Variants in LARS1 observed in about 807,000 individuals in gnomAD.
The protein encoded by LARS1 is leucine--tRNA ligase, cytoplasmic.
Under a neutral mutation model 162.8 loss-of-function variants are expected in LARS1, and 100 were observed. The ratio of observed to expected loss-of-function variants is 0.61; its 90% confidence interval spans 0.52 to 0.73. The LOEUF (loss-of-function observed/expected upper bound fraction) is 0.73, where lower values mean the gene tolerates loss of function less well. Among genes scored for constraint, LARS1 ranks in the 30% least tolerant of loss-of-function variants. LARS1 has a pLI of 0.00. For synonymous variants in LARS1, 457 were observed against 462.8 expected (o/e 0.99, Z 0.16); for missense variants, 1,258 against 1,408.9 (o/e 0.89, Z 1.71).
At chr5:146,116,325 C>A (rs191316933) in intron 31 of LARS1, among the ~76,000 whole-genome samples, 47 of 152,240 alleles carry the variant, frequency 3.1e-4, no homozygotes, top group Non-Finnish European at 5.4e-4. Context: ...TGCATAAGGC[C>A]TTTTACTGCG....
rs781026136 is a variant in LARS1 at position 146,143,039 on chromosome 5, C to T, written c.1923G>A (p.Lys641=). ...TCTGAGTCTTAGGAAATGGAGCCTC[C>T]TTGAAGAAAACATAATCCCAAACTT... ...TKEVWDYVFF[K]EAPFPKTQIA... Residue 641 remains lysine (K), a synonymous_variant, in exon 20 of 32, where the codon AAG becomes AAA. Transcript: ENST00000394434. 86 of 1,613,642 alleles carry T rather than the reference C, an allele frequency of 5.3e-5. 2 individuals carry two copies. In the South Asian group the frequency reaches 8.8e-4, roughly 16 times the overall value.
chr5:146,124,237 C>G (rs1751953509), intron 28 of LARS1, 151 bp from the exon 29 acceptor site: 2 of 542,436 alleles, frequency 3.7e-6, no homozygotes, highest in Non-Finnish European at 6.6e-6. Flanking sequence ...ATTTCCTTTA[C>G]CTACATTTGC....
chr5:146,151,633 C>CAT (rs1185807600), intron 14 of LARS1, among the ~76,000 whole-genome samples: 1 of 152,094 alleles, frequency 6.6e-6, no homozygotes, highest in Non-Finnish European at 1.5e-5. Context: ...AAATTCACTC[C>CAT]ATAGAGATTC....
intron 6 of LARS1, 95 bp downstream of exon 6, chr5:146,164,213 TAA>T: frequency 7.9e-7 from 1 of 1,259,080 alleles, no homozygotes; most frequent in Non-Finnish European, 1.1e-6. Flanking sequence ...TCTTCAATTG[TAA>T]AAAAAATCCA....
At position 146,153,224 on chromosome 5, in the gene LARS1, A is replaced by G. The variant is rs1231184427; in HGVS notation, c.1234T>C (p.Leu412=). 2 of 1,612,454 alleles carry G rather than the reference A, an allele frequency of 1.2e-6. No individual in the cohort carries two copies. Among genetic ancestry groups the G allele is most frequent in the South Asian group, 2.2e-5 (2 of 91,024 alleles). Residue 412 remains leucine, a synonymous_variant, in exon 13 of 32, where the codon TTA becomes CTA. Coordinates refer to ENST00000394434, the MANE Select transcript of LARS1 (RefSeq NM_020117.11). The part of the protein sequence containing the change: ...ALRDLKKKQA[L]RAKYGIRDDM... Reference sequence around the variant, plus strand: ...TCTCTAATTCCATATTTTGCTCGTAAGGCCTACAGAAAAATTTGCAAGTTA... The same window carrying G: ...TCTCTAATTCCATATTTTGCTCGTAGGGCCTACAGAAAAATTTGCAAGTTA...
At chr5:146,168,008 A>G in intron 5 of LARS1, 120 bp downstream of exon 5, 2 of 867,552 alleles carry the variant, frequency 2.3e-6, no homozygotes, top group Admixed American at 3.2e-5. Flanking sequence ...TTGCTTTGAT[A>G]CTTTAAAAAA....
intron 30 of LARS1, among the ~76,000 whole-genome samples, chr5:146,121,775 A>G (rs1385542540): frequency 1.3e-5 from 2 of 152,168 alleles, no homozygotes; most frequent in African/African-American, 4.8e-5. Flanking sequence ...GAGTTGAACA[A>G]TGAGAACACA....
At chr5:146,142,328 G>A in intron 20 of LARS1, among the ~76,000 whole-genome samples, 1 of 152,172 alleles carries the variant, frequency 6.6e-6, no homozygotes, top group Middle Eastern at 3.4e-3. Flanking sequence ...TATTGTTGAA[G>A]GAAAAAATGT....
chr5:146,170,469 C>CAA (rs34201197), intron 4 of LARS1, among the ~76,000 whole-genome samples: 1 of 130,914 alleles, frequency 7.6e-6, no homozygotes, highest in Non-Finnish European at 1.6e-5. Flanking sequence ...GATTCCGTCT[C>CAA]AAAAAAAAAA....
At chr5:146,115,581 CAAAAAAAAAAAAAAAAA>C (rs58644900) in intron 31 of LARS1, among the ~76,000 whole-genome samples, 2 of 20,584 alleles carry the variant, frequency 9.7e-5, no homozygotes, top group African/African-American at 1.2e-4. Flanking sequence ...AGCGCCTGAC[CAAAAAAAAAAAAAAAAA>C]AAAAAAAAAA....
intron 21 of LARS1, among the ~76,000 whole-genome samples, chr5:146,139,279 G>A (rs1228712839): frequency 6.6e-6 from 1 of 150,976 alleles, no homozygotes. Flanking sequence ...GGAGGTGGAG[G>A]TTGCAGTGAG....
chr5:146,132,907 ACT>A lies in LARS1; in HGVS notation c.2385_2386del (p.Arg795SerfsTer5). 2 of 1,612,944 alleles carry A rather than the reference ACT, an allele frequency of 1.2e-6. No individual in the cohort carries two copies. Among genetic ancestry groups the A allele is most frequent in the Non-Finnish European group, 1.7e-6 (2 of 1,179,276 alleles). On this transcript the variant is annotated frameshift_variant, in exon 23 of 32. Coordinates refer to ENST00000394434, the MANE Select transcript of LARS1 (RefSeq NM_020117.11). LOFTEE classifies it high-confidence loss of function. ...GGGATCTACAGATTACCTGGCAAAA[ACT>A]CTATCATTGAAAGTGCTGGCAGGAC...
At chr5:146,120,636 C>T in intron 30 of LARS1, 133 bp from the exon 31 acceptor site, 3 of 858,076 alleles carry the variant, frequency 3.5e-6, no homozygotes, top group Non-Finnish European at 5.2e-6. Flanking sequence ...AAGGAGTACT[C>T]AAATATGAAA....
At chr5:146,154,596 G>T (rs1369726115) in intron 10 of LARS1, among the ~76,000 whole-genome samples, 1 of 152,010 alleles carries the variant, frequency 6.6e-6, no homozygotes, top group Admixed American at 6.6e-5. Flanking sequence ...TGGGCAACAT[G>T]GTGAAACCCC....
At chr5:146,175,035 A>G (rs1754491830) in intron 2 of LARS1, among the ~76,000 whole-genome samples, 1 of 152,146 alleles carries the variant, frequency 6.6e-6, no homozygotes, top group Non-Finnish European at 1.5e-5. Context: ...CCTCAGCAAC[A>G]TAACAAGACC....
intron 31 of LARS1, among the ~76,000 whole-genome samples, chr5:146,115,581 CAAAAAAAAAAAAAAAA>C (rs58644900): frequency 7.8e-4 from 16 of 20,584 alleles, no homozygotes; most frequent in Admixed American, 2.8e-3. Flanking sequence ...AGCGCCTGAC[CAAAAAAAAAAAAAAAA>C]AAAAAAAAAA....
chr5:146,175,813 G>A (rs541354825), intron 2 of LARS1, among the ~76,000 whole-genome samples: 1 of 150,796 alleles, frequency 6.6e-6, no homozygotes, highest in African/African-American at 2.4e-5. Flanking sequence ...GGGTGACAGA[G>A]CAAGACTCCG....
intron 5 of LARS1, among the ~76,000 whole-genome samples, chr5:146,165,922 T>C (rs539643681): frequency 3.8e-4 from 58 of 152,322 alleles, no homozygotes; most frequent in East Asian, 1.9e-3. Flanking sequence ...GGGAAAATGC[T>C]AGAATGAGAC....
chr5:146,145,479 G>A (rs921200195), intron 15 of LARS1, among the ~76,000 whole-genome samples: 1 of 151,852 alleles, frequency 6.6e-6, no homozygotes, highest in East Asian at 1.9e-4. Context: ...AAGATTTATA[G>A]TGCCATGAAA....
Sources: gnomAD v4.1 joint callset for allele counts (sites outside exome capture counted in the v4.1 genomes callset) on GRCh38, gnomAD v4.1.1 for gene constraint, MANE v1.5 for transcripts, NCBI Gene and HGNC (gene_info 2026-07-23, HGNC 2026-07-21) for gene names.